Variants in CRISPLD2 observed in about 807,000 individuals in gnomAD.
The protein encoded by CRISPLD2 is cysteine-rich secretory protein LCCL domain-containing 2.
A neutral mutation model predicts 71.1 loss-of-function variants in CRISPLD2; 47 were observed. The ratio of observed to expected loss-of-function variants is 0.66; its 90% CI spans 0.52 to 0.84. CRISPLD2 has a LOEUF of 0.84. CRISPLD2 is among the 40% of genes least tolerant of loss of function. CRISPLD2 has a pLI of 0.00. For missense variants in CRISPLD2, 830 were observed against 651.1 expected (o/e 1.27, Z -2.99); for synonymous variants, 317 against 250.1 (o/e 1.27, Z -2.52).
rs867767802 is a variant in CRISPLD2, at chr16:84,843,938, T to C, written c.241-1848T>C. Among the ~76,000 whole-genome samples, 6 of 152,056 alleles carry C rather than the reference T, an allele frequency of 3.9e-5. No homozygotes were observed. In the South Asian group the frequency reaches 6.2e-4, roughly 16 times the overall value. On this transcript the variant is annotated intron_variant, in intron 2 of 14. Coordinates refer to ENST00000262424, the MANE Select transcript of CRISPLD2 (RefSeq NM_031476.4). ...GGAGAGAGGGAAGTGAGGCATGCGGTTGTGTTGGGCAGGTACTCCCTGCTG... is the reference window on the plus strand; with the variant it reads ...GGAGAGAGGGAAGTGAGGCATGCGGCTGTGTTGGGCAGGTACTCCCTGCTG...
chr16:84,864,027 G>A (rs1917468110), intron 6 of CRISPLD2, among the ~76,000 whole-genome samples: 1 of 151,224 alleles, frequency 6.6e-6, no homozygotes, highest in Admixed American at 6.6e-5. Flanking sequence ...AAAAATGCAT[G>A]CCGGGGAGGG....
Position 84,889,197 on chromosome 16 carries a change from C to T in CRISPLD2, c.1306-33C>T, listed in dbSNP as rs751895854. The T allele has an allele frequency of 3.1e-6, 5 of 1,613,684 alleles. No individual in the cohort carries two copies. In the South Asian group the frequency reaches 5.5e-5, roughly 18 times the overall value. On this transcript the variant is annotated intron_variant, in intron 13 of 14. Transcript: ENST00000262424. ...GGCTTGACCCATGAGCTGGAATCCG[C>T]ATCGCTGATCACAGCCCTTCCTGTG...
At chr16:84,853,436 G>A (rs1380580549) in intron 5 of CRISPLD2, among the ~76,000 whole-genome samples, 1 of 152,214 alleles carries the variant, frequency 6.6e-6, no homozygotes, top group Non-Finnish European at 1.5e-5. Flanking sequence ...CGGAATGTGA[G>A]AGGGTGGAAG....
chr16:84,881,541 C>T lies in CRISPLD2; in HGVS notation c.1305+957C>T, dbSNP rs531228214. Among the ~76,000 whole-genome samples the T allele has an allele frequency of 1.7e-3, 263 of 152,286 alleles. 1 individual carries two copies. The highest frequency in any genetic ancestry group is 2.9e-3 in the Non-Finnish European group (195 of 68,024). On this transcript the variant is annotated intron_variant, in intron 13 of 14. Coordinates refer to ENST00000262424, the MANE Select transcript of CRISPLD2 (RefSeq NM_031476.4). ...ATCTTGTCAAGCTGTTTCCTTGTGG[C>T]GGAACGGCCCAGAACCGGGATTATC...
chr16:84,904,414 T>A (rs2071782909), intron 14 of CRISPLD2, among the ~76,000 whole-genome samples: 1 of 151,890 alleles, frequency 6.6e-6, no homozygotes, highest in African/African-American at 2.4e-5. Flanking sequence ...CAAAACCCCA[T>A]CTCTGCTAAA....
Position 84,849,460 on chromosome 16 carries a change from G to A in CRISPLD2, c.435G>A (p.Glu145=). The stretch of plus-strand genomic sequence containing the variant: ...ACTACACCTACCCCTACCCGAGCGA[G>A]TGCAACCCCTGGTGTCCAGAGAGGT... ...VKDYTYPYPS[E]CNPWCPERCS... Residue 145 remains glutamate (E), a synonymous_variant, in exon 4 of 15, where the codon GAG becomes GAA. Transcript: ENST00000262424. 1 of 1,614,152 alleles carries A rather than the reference G, an allele frequency of 6.2e-7. No individual in the cohort carries two copies. The highest frequency in any genetic ancestry group is 8.5e-7 in the Non-Finnish European group (1 of 1,179,992).
In CRISPLD2 at chr16:84,906,554, C is replaced by G. The variant is rs1450590612; in HGVS notation, c.1440-34C>G. 5.0e-6 allele frequency: 8 copies of G among 1,610,640 alleles called. No individual in the cohort carries two copies. In the Middle Eastern group the frequency reaches 8.9e-4, roughly 179 times the overall value. ...TCCCTGCAGGAGGCCCTCCAGATCT[C>G]TCAGTAACGGGCCCTCTTTCTTCTT... On this transcript the variant is annotated intron_variant, in intron 14 of 14. Transcript: ENST00000262424.
chr16:84,853,371 C>T (rs972132573), intron 5 of CRISPLD2, among the ~76,000 whole-genome samples: 3 of 152,178 alleles, frequency 2.0e-5, no homozygotes, highest in African/African-American at 7.2e-5. Flanking sequence ...TCTGAACAGA[C>T]GATTTCTGAG....
chr16:84,891,894 C>G (rs113637691), intron 14 of CRISPLD2, among the ~76,000 whole-genome samples: 32 of 152,332 alleles, frequency 2.1e-4, no homozygotes, highest in African/African-American at 7.7e-4. Context: ...CTGTCGCTGT[C>G]TTTGTAGGTG....
intron 6 of CRISPLD2, among the ~76,000 whole-genome samples, chr16:84,860,702 G>C (rs1432767780): frequency 1.3e-5 from 2 of 152,122 alleles, no homozygotes; most frequent in Non-Finnish European, 2.9e-5. Context: ...CTTCAGCAGG[G>C]TCCTCCCACA....
At chr16:84,823,308 C>G (rs1049063339) in intron 1 of CRISPLD2, among the ~76,000 whole-genome samples, 1 of 152,212 alleles carries the variant, frequency 6.6e-6, no homozygotes, top group Non-Finnish European at 1.5e-5. Flanking sequence ...ACAGAGGCTT[C>G]TGCTGTGAAC....
intron 8 of CRISPLD2, among the ~76,000 whole-genome samples, chr16:84,871,940 T>A (rs1411970669): frequency 6.7e-6 from 1 of 148,186 alleles, no homozygotes; most frequent in Non-Finnish European, 1.5e-5. Context: ...TCAACCGGCC[T>A]CTGATTCAAC....
At chr16:84,825,894 C>A (rs1000901037) in intron 1 of CRISPLD2, among the ~76,000 whole-genome samples, 9 of 152,026 alleles carry the variant, frequency 5.9e-5, no homozygotes, top group African/African-American at 2.2e-4. Flanking sequence ...GAGGCTGAGG[C>A]TGCAGTGAGC....
chr16:84,901,594 C>T (rs926725217), intron 14 of CRISPLD2, among the ~76,000 whole-genome samples: 3 of 150,628 alleles, frequency 2.0e-5, no homozygotes, highest in African/African-American at 4.9e-5. Flanking sequence ...GCCTCAGCCT[C>T]CCGAGTAGCT....
intron 2 of CRISPLD2, among the ~76,000 whole-genome samples, chr16:84,841,138 G>T (rs544626393): frequency 9.2e-4 from 140 of 152,290 alleles, no homozygotes; most frequent in Admixed American, 1.8e-3. Context: ...GAAGAAATAC[G>T]GGGAGCTGCA....
At chr16:84,872,281 C>T (rs948182242) in intron 8 of CRISPLD2, among the ~76,000 whole-genome samples, 161 bp from the exon 9 acceptor site, 2 of 152,158 alleles carry the variant, frequency 1.3e-5, no homozygotes, top group South Asian at 2.1e-4. Flanking sequence ...AATCAGTCTG[C>T]GCCTGGGTAA....
At chr16:84,850,932 A>C (rs1917072205) in intron 5 of CRISPLD2, among the ~76,000 whole-genome samples, 1 of 88,952 alleles carries the variant, frequency 1.1e-5, no homozygotes, top group Admixed American at 1.2e-4. Context: ...CCAACATCAC[A>C]TCTCCCCAAG....
chr16:84,828,406 A>C (rs1025367005), intron 1 of CRISPLD2: 3 of 152,200 alleles, frequency 2.0e-5, no homozygotes, highest in African/African-American at 7.2e-5. Context: ...GAGGAATTAG[A>C]GGCTTGAGGA....
chr16:84,889,938 A>AC (rs1338716106), intron 14 of CRISPLD2, among the ~76,000 whole-genome samples: 2 of 152,206 alleles, frequency 1.3e-5, no homozygotes, highest in Middle Eastern at 3.4e-3. Flanking sequence ...CAGCTTTGTG[A>AC]CCCCGAGTAA....
Sources: allele counts gnomAD v4.1 joint callset (sites outside exome capture counted in the v4.1 genomes callset), GRCh38; gene constraint gnomAD v4.1.1; transcripts MANE v1.5; gene names NCBI Gene and HGNC (gene_info 2026-07-23, HGNC 2026-07-21).